The following RBFOX3 variants were observed in gnomAD, a reference collection of about 807,000 sequenced individuals.
The protein encoded by RBFOX3 is RNA binding fox-1 homolog 3.
RBFOX3 carries 17 observed loss-of-function variants against 48.7 expected under a neutral mutation model. The observed-to-expected ratio is 0.35, with a 90% CI of 0.24 to 0.52. The LOEUF (loss-of-function observed/expected upper bound fraction) is 0.52. RBFOX3 is among the 20% of genes least tolerant of loss of function. RBFOX3 has a pLI of 0.94. For missense variants in RBFOX3, 382 were observed against 497.5 expected (o/e 0.77, Z 2.21); for synonymous variants, 212 against 209.5 (o/e 1.01, Z -0.10).
chr17:79,532,230 A>G (rs1167639988), intron 1 of RBFOX3, among the ~76,000 whole-genome samples: 4 of 152,128 alleles, frequency 2.6e-5, no homozygotes, highest in African/African-American at 9.7e-5. Flanking sequence ...AATGAGGCTC[A>G]GTTCCCCCTT....
intron 4 of RBFOX3, among the ~76,000 whole-genome samples, chr17:79,203,154 G>C (rs1055841166): frequency 6.6e-6 from 1 of 151,254 alleles, no homozygotes; most frequent in African/African-American, 2.4e-5. Flanking sequence ...TTCTGGAGTG[G>C]GGCCAGACAT....
chr17:79,264,965 AG>A (rs766941741), intron 3 of RBFOX3, among the ~76,000 whole-genome samples: 30,591 of 132,352 alleles, frequency 0.23, 3,248 homozygotes, highest in Middle Eastern at 0.28. Flanking sequence ...GTGCGAGAGG[AG>A]GGGGGGGGGG....
At chr17:79,465,067 G>A (rs1198882768) in intron 2 of RBFOX3, among the ~76,000 whole-genome samples, 2 of 152,208 alleles carry the variant, frequency 1.3e-5, no homozygotes, top group Non-Finnish European at 2.9e-5. Flanking sequence ...AGGTGGAAGT[G>A]AAGGACTGCA....
At chr17:79,295,755 T>C (rs1461736373) in intron 3 of RBFOX3, among the ~76,000 whole-genome samples, 6 of 152,088 alleles carry the variant, frequency 3.9e-5, no homozygotes, top group Non-Finnish European at 7.4e-5. Flanking sequence ...GCCAAGCTGC[T>C]CAGGCACAGC....
the RBFOX3 span, among the ~76,000 whole-genome samples, chr17:79,660,427 A>C: frequency 6.6e-6 from 1 of 152,238 alleles, no homozygotes; most frequent in Non-Finnish European, 1.5e-5. Flanking sequence ...GCCAGAGTCT[A>C]TAAGGAACTT....
intron 1 of RBFOX3, among the ~76,000 whole-genome samples, chr17:79,575,188 C>T (rs912131086): frequency 3.9e-5 from 6 of 152,204 alleles, no homozygotes; most frequent in African/African-American, 9.7e-5. Flanking sequence ...GCTGGTTCAA[C>T]GCACACCCAG....
chr17:79,565,802 T>C (rs1043161739), intron 1 of RBFOX3, among the ~76,000 whole-genome samples: 10 of 152,160 alleles, frequency 6.6e-5, no homozygotes, highest in Non-Finnish European at 1.2e-4. Flanking sequence ...CAGACAATAC[T>C]TCTATGAATG....
chr17:79,487,598 G>A (rs1302130555), intron 1 of RBFOX3, among the ~76,000 whole-genome samples: 1 of 152,132 alleles, frequency 6.6e-6, no homozygotes, highest in Non-Finnish European at 1.5e-5. Context: ...AATGAATGCT[G>A]CAAAGAAGGA....
chr17:79,200,120 G>A (rs570200587), intron 4 of RBFOX3, among the ~76,000 whole-genome samples: 24 of 134,112 alleles, frequency 1.8e-4, no homozygotes, highest in South Asian at 1.2e-3. Flanking sequence ...CCGATATTGC[G>A]TCACTGTACT....
In RBFOX3 at chr17:79,443,367, C is replaced by T. The variant is rs1555736192; in HGVS notation, c.-175+39087G>A. On this transcript the variant is annotated intron_variant, in intron 2 of 14. Transcript: ENST00000693108. This position sits in a 1 kb window ranked among gnomAD's most constrained non-coding sequence, Gnocchi z 4.4. Reference sequence around the variant, plus strand: ...ATGCTTAGACACACACAAATGCACACTCACATACACCCTTGCCTCTTTTTT... The same window carrying T: ...ATGCTTAGACACACACAAATGCACATTCACATACACCCTTGCCTCTTTTTT... Among the ~76,000 whole-genome samples the T allele has an allele frequency of 6.6e-6, 1 of 152,216 alleles. No individual in the cohort carries two copies.
chr17:79,281,500 G>T (rs1444080726), intron 3 of RBFOX3, among the ~76,000 whole-genome samples: 1 of 152,176 alleles, frequency 6.6e-6, no homozygotes, highest in Non-Finnish European at 1.5e-5. Context: ...GGGCTTGTGG[G>T]TTAGTTTGGA....
chr17:79,436,021 GC>G (rs1415976959), intron 2 of RBFOX3, among the ~76,000 whole-genome samples: 1 of 152,146 alleles, frequency 6.6e-6, no homozygotes, highest in Admixed American at 6.5e-5. Context: ...TGTTTTCACC[GC>G]CCCCATGAGA....
chr17:79,439,482 C>T (rs1479107654), intron 2 of RBFOX3, among the ~76,000 whole-genome samples: 1 of 152,254 alleles, frequency 6.6e-6, no homozygotes, highest in African/African-American at 2.4e-5. Context: ...TGGTGTCTGG[C>T]AGGCGGTGGA....
At chr17:79,273,593 G>GT in intron 3 of RBFOX3, among the ~76,000 whole-genome samples, 1 of 151,688 alleles carries the variant, frequency 6.6e-6, no homozygotes, top group Admixed American at 6.6e-5. Flanking sequence ...CGGGGTGCTA[G>GT]CAGATGGGGC....
At chr17:79,652,006 T>C in the RBFOX3 span, among the ~76,000 whole-genome samples, 2 of 151,470 alleles carry the variant, frequency 1.3e-5, no homozygotes, top group Non-Finnish European at 2.9e-5. Context: ...AGTCATGCCC[T>C]AGATGCCCCC....
chr17:79,491,799 G>A (rs1485299754), intron 1 of RBFOX3, among the ~76,000 whole-genome samples: 1 of 152,134 alleles, frequency 6.6e-6, no homozygotes, highest in African/African-American at 2.4e-5. Context: ...ATGGCACAAG[G>A]CCGGGCATGG....
intron 4 of RBFOX3, among the ~76,000 whole-genome samples, chr17:79,169,843 A>G (rs1301989585): frequency 1.3e-5 from 2 of 152,202 alleles, no homozygotes; most frequent in Admixed American, 6.5e-5. Context: ...ACGGAACCGT[A>G]TACTTCATAA....
chr17:79,326,757 G>A (rs2079394090), intron 2 of RBFOX3, among the ~76,000 whole-genome samples: 1 of 152,174 alleles, frequency 6.6e-6, no homozygotes, highest in Admixed American at 6.5e-5. Context: ...TGTGGCCTCA[G>A]TGTGAACCCT....
chr17:79,152,980 C>T (rs369093056), intron 4 of RBFOX3, among the ~76,000 whole-genome samples: 2 of 152,188 alleles, frequency 1.3e-5, no homozygotes, highest in African/African-American at 2.4e-5. Flanking sequence ...TGGCTGCGGT[C>T]GGGTGGGCCC....
Sources: allele counts gnomAD v4.1 joint callset (sites outside exome capture counted in the v4.1 genomes callset), GRCh38; gene constraint gnomAD v4.1.1; non-coding constraint Gnocchi (gnomAD v3.1); transcripts MANE v1.5; gene names NCBI Gene and HGNC (gene_info 2026-07-23, HGNC 2026-07-21).